ANKRD27: variants seen among roughly 807,000 people sequenced by gnomAD.
ANKRD27 encodes ankyrin repeat domain-containing protein 27.
A neutral mutation model predicts 129.7 loss-of-function variants in ANKRD27; 112 were observed. The ratio of observed to expected loss-of-function variants is 0.86; its 90% CI spans 0.74 to 1.01. The LOEUF is 1.01. Among genes scored for constraint, ANKRD27 ranks in the 50% least tolerant of loss-of-function variants. The pLI is 0.00. For synonymous variants in ANKRD27, 516 were observed against 511.2 expected, an observed-to-expected ratio of 1.01 and a Z score of -0.13; for missense variants, 1,258 against 1,300.5, an observed-to-expected ratio of 0.97 and a Z score of 0.50.
intron 3 of ANKRD27, among the ~76,000 whole-genome samples, chr19:32,647,982 C>G (rs1967334718): frequency 6.6e-6 from 1 of 152,100 alleles, no homozygotes. Context: ...AAAAAGGATC[C>G]AGGCCGGGTG....
At chr19:32,603,018 G>A (rs1971675777) in intron 25 of ANKRD27, among the ~76,000 whole-genome samples, 2 of 151,954 alleles carry the variant, frequency 1.3e-5, no homozygotes, top group South Asian at 4.2e-4. Context: ...ATATAAGGAG[G>A]CCAGGCACAG....
At chr19:32,599,448 A>T (rs926568034) in intron 28 of ANKRD27, among the ~76,000 whole-genome samples, 1 of 152,224 alleles carries the variant, frequency 6.6e-6, no homozygotes, top group Admixed American at 6.5e-5. Context: ...ATCTCCTATA[A>T]GCACCAAGAC....
chr19:32,628,539 A>G (rs1966932251), intron 14 of ANKRD27, among the ~76,000 whole-genome samples, 183 bp downstream of exon 14: 1 of 152,220 alleles, frequency 6.6e-6, no homozygotes, highest in Admixed American at 6.5e-5. Flanking sequence ...AAGTGCTTTG[A>G]CAACCTCTAA....
intron 12 of ANKRD27, chr19:32,637,453 C>G (rs1268004767): frequency 1.3e-5 from 2 of 152,196 alleles, no homozygotes; most frequent in Admixed American, 1.3e-4. Context: ...CAATAAAAAC[C>G]AAGGAAACAA....
rs757378914 is a variant in ANKRD27, at chr19:32,643,630, T to A, written c.527A>T (p.Asp176Val). The A allele has an allele frequency of 6.2e-7, 1 of 1,613,716 alleles. No individual in the cohort carries two copies. Among genetic ancestry groups the A allele is most frequent in the East Asian group, 2.2e-5 (1 of 44,864 alleles). ...TTTGGTGTAGAGAGCATTCGCTGAG[T>A]CCTAAACCACATAGAGCAGAGGGAC... ...CERKSLRHHI[D>V]SANALYTKCL... Residue 176 changes from aspartate (D) to valine (V), a missense_variant and splice_region_variant, in exon 6 of 29, where the codon GAC becomes GTC. Transcript: ENST00000306065.
At chr19:32,640,163 CCG>C (rs1361453143) in intron 11 of ANKRD27, 142 bp downstream of exon 11, 7 of 532,584 alleles carry the variant, frequency 1.3e-5, no homozygotes, top group African/African-American at 3.9e-5. Context: ...CGGGGTTTCA[CCG>C]TGTTAGCCAG....
chr19:32,654,667 C>CT (rs985432944), intron 2 of ANKRD27, among the ~76,000 whole-genome samples: 15 of 140,170 alleles, frequency 1.1e-4, no homozygotes, highest in South Asian at 9.3e-4. Context: ...TTCTTTTTTT[C>CT]TTTTTTTTTA....
chr19:32,670,777 TGA>T (rs1026202013), intron 1 of ANKRD27, among the ~76,000 whole-genome samples: 3 of 151,008 alleles, frequency 2.0e-5, no homozygotes, highest in Admixed American at 2.0e-4. Context: ...GCTGATCACT[TGA>T]GATGGAGTTC....
rs529788907 is a variant in ANKRD27 at position 32,625,796 on chromosome 19, C to T, written c.1629+78G>A. ...TTCCAATAATTATCGACACAAAATACATTAATGAGAAATCCCGACTTCTCT... is the reference window on the plus strand; with the variant it reads ...TTCCAATAATTATCGACACAAAATATATTAATGAGAAATCCCGACTTCTCT... On this transcript the variant is annotated intron_variant, in intron 17 of 28. Transcript: ENST00000306065. The T allele has an allele frequency of 1.0e-5, 12 of 1,205,790 alleles. No homozygotes were observed. In the African/African-American group the frequency reaches 1.7e-4, roughly 17 times the overall value. 74.7% of individuals were successfully genotyped at this position (1,205,790 alleles called of 1,614,324 possible).
chr19:32,610,659 G>GTT (rs1440618572), intron 22 of ANKRD27, among the ~76,000 whole-genome samples: 1 of 152,048 alleles, frequency 6.6e-6, no homozygotes, highest in East Asian at 1.9e-4. Context: ...AGGTGTGGCG[G>GTT]CATGCACCTG....
At chr19:32,606,239 G>A (rs1314076563) in intron 23 of ANKRD27, among the ~76,000 whole-genome samples, 1 of 146,870 alleles carries the variant, frequency 6.8e-6, no homozygotes, top group African/African-American at 2.5e-5. Flanking sequence ...TCCAGCCTCC[G>A]CCTCCCAGGT....
intron 2 of ANKRD27, 77 bp downstream of exon 2, chr19:32,658,837 T>G (rs1366682420): frequency 3.2e-6 from 4 of 1,247,086 alleles, no homozygotes. Context: ...ACAAACTCCC[T>G]CCAAACTGAG....
chr19:32,638,316 C>A (rs1967129422), intron 12 of ANKRD27: 1 of 152,286 alleles, frequency 6.6e-6, no homozygotes, highest in South Asian at 2.1e-4. Context: ...CTACGTCAGG[C>A]CTCTTTAACT....
In ANKRD27 at chr19:32,646,602, T is replaced by C. The variant is rs757200951; in HGVS notation, c.227A>G (p.Gln76Arg). Residue 76 changes from glutamine (Q) to arginine (R), a missense_variant, in exon 4 of 29, where the codon CAA (glutamine) becomes CGA (arginine). Physicochemically the swap from Gln to Arg is conservative, Grantham distance 43. Transcript: ENST00000306065. ...AGCTCCTAATTTAATCCTGTTCCCT[T>C]GAATAAAGACATCCTGGAAACAAGA... The part of the protein sequence containing the change: ...QTLNGKDVFI[Q>R]GNRIKLGAGF... The C allele has an allele frequency of 6.2e-7, 1 of 1,612,572 alleles. No homozygotes were observed. Among genetic ancestry groups the C allele is most frequent in the Non-Finnish European group, 8.5e-7 (1 of 1,179,572 alleles).
intron 21 of ANKRD27, 142 bp from the exon 22 acceptor site, chr19:32,615,922 G>C: frequency 1.8e-6 from 2 of 1,116,628 alleles, no homozygotes; most frequent in Non-Finnish European, 2.5e-6. Flanking sequence ...ACCGGCTTCT[G>C]CTCCCTCATG....
intron 24 of ANKRD27, among the ~76,000 whole-genome samples, 165 bp downstream of exon 24, chr19:32,605,670 G>C (rs1372453435): frequency 6.6e-6 from 1 of 152,180 alleles, no homozygotes; most frequent in Non-Finnish European, 1.5e-5. Flanking sequence ...GTTCCCATCG[G>C]AGAACCCCGT....
chr19:32,628,770 A>G lies in ANKRD27; in HGVS notation c.1289T>C (p.Met430Thr), dbSNP rs772826130. Residue 430 changes from methionine to threonine, a missense_variant, in exon 14 of 29, where the codon ATG becomes ACG. Met to Thr is a moderately conservative substitution (Grantham distance 81, BLOSUM62 -1). Coordinates refer to ENST00000306065, the MANE Select transcript of ANKRD27 (RefSeq NM_032139.3). ...ATCGCAGAAGCAGAGAGGGTGACACATCTTTTGGACGGTATCTTTATCATG... is the reference window on the plus strand; with the variant it reads ...ATCGCAGAAGCAGAGAGGGTGACACGTCTTTTGGACGGTATCTTTATCATG... The part of the protein sequence containing the change: ...EDHDKDTVQK[M>T]CHPLCFCDDC... 6.2e-7 allele frequency: 1 copy of G among 1,614,108 alleles called. No individual in the cohort carries two copies. Among genetic ancestry groups the G allele is most frequent in the Non-Finnish European group, 8.5e-7 (1 of 1,179,994 alleles).
intron 4 of ANKRD27, among the ~76,000 whole-genome samples, chr19:32,645,151 T>C (rs535005752): frequency 1.8e-4 from 28 of 152,174 alleles, no homozygotes; most frequent in Admixed American, 3.3e-4. Flanking sequence ...CAGCGGCTCA[T>C]GCCTGTAATC....
intron 10 of ANKRD27, 88 bp from the exon 11 acceptor site, chr19:32,640,473 G>T: frequency 1.9e-6 from 2 of 1,063,524 alleles, no homozygotes; most frequent in Non-Finnish European, 2.9e-6. Context: ...CACACCTTGT[G>T]AAACCACGTA....
Sources: gnomAD v4.1 joint callset for allele counts (sites outside exome capture counted in the v4.1 genomes callset) on GRCh38, gnomAD v4.1.1 for gene constraint, MANE v1.5 for transcripts, NCBI Gene and HGNC (gene_info 2026-07-23, HGNC 2026-07-21) for gene names.